The following DNAH10 variants were observed in gnomAD, a reference collection of about 807,000 sequenced individuals.
The protein encoded by DNAH10 is dynein axonemal heavy chain 10, also known as axonemal beta dynein heavy chain 10.
Under a neutral mutation model 506.6 loss-of-function variants are expected in DNAH10, and 348 were observed. The observed-to-expected ratio is 0.69, with a 90% CI of 0.63 to 0.75. The LOEUF (loss-of-function observed/expected upper bound fraction) is 0.75. Ranked by LOEUF, DNAH10 falls within the 30% of genes least tolerant of loss-of-function variation. The pLI is 0.00. For synonymous variants in DNAH10, 2,059 were observed against 2,198.6 expected, an observed-to-expected ratio of 0.94 and a Z score of 1.78; for missense variants, 5,179 against 5,787.1, an observed-to-expected ratio of 0.89 and a Z score of 3.41.
chr12:123,844,873 AAGCAATCTGCCCC>A, intron 30 of DNAH10, among the ~76,000 whole-genome samples: 1 of 152,176 alleles, frequency 6.6e-6, no homozygotes, highest in East Asian at 1.9e-4. Flanking sequence ...TCCTGAGCTC[AAGCAATCTGCCCC>A]AGCTTGGCCT....
chr12:123,896,076 G>A (rs894020611), intron 54 of DNAH10, among the ~76,000 whole-genome samples: 8 of 145,508 alleles, frequency 5.5e-5, no homozygotes, highest in Admixed American at 7.0e-5. Context: ...TTGTGCCACT[G>A]CTCTCCATCC....
chr12:123,814,670 A>G (rs1393672597), intron 21 of DNAH10, among the ~76,000 whole-genome samples: 2 of 137,168 alleles, frequency 1.5e-5, no homozygotes, highest in African/African-American at 2.8e-5. Flanking sequence ...GCTGGAGTGC[A>G]GTGGCATGAT....
Position 123,919,567 on chromosome 12 carries a change from C to A in DNAH10, c.11506+618C>A, listed in dbSNP as rs1447548854. ...CTATCACTACTCTCTGGCTCCGGAA[C>A]GTTTCCACCAGCCCCGAAATGAAAT... On this transcript the variant is annotated intron_variant, in intron 65 of 78. Transcript: ENST00000673944. The surrounding 1 kb of genome is among the most constrained non-coding windows in gnomAD (Gnocchi z 4.9). Among the ~76,000 whole-genome samples the A allele has an allele frequency of 6.6e-6, 1 of 152,184 alleles. No homozygotes were observed. Among genetic ancestry groups the A allele is most frequent in the Admixed American group, 6.5e-5 (1 of 15,278 alleles).
At position 123,917,518 on chromosome 12, in the gene DNAH10, C is replaced by T; in HGVS notation, c.11003-66C>T. 1.4e-6 allele frequency: 2 copies of T among 1,476,360 alleles called. No individual in the cohort carries two copies. The highest frequency in any genetic ancestry group is 1.8e-6 in the Non-Finnish European group (2 of 1,087,302). 91.5% of individuals were successfully genotyped at this position (1,476,360 alleles called of 1,614,324 possible). A position where few individuals can be genotyped will look rare whatever the true frequency, so the allele number is the denominator to read the frequency against. On this transcript the variant is annotated intron_variant, in intron 63 of 78. Transcript: ENST00000673944. This position sits in a 1 kb window ranked among gnomAD's most constrained non-coding sequence, Gnocchi z 5.6. ...CCGCGCTAAGCTTGTCCCGTCACAGCAGGGCAGCGGGAGAGACTGTTGTTG... is the reference window on the plus strand; with the variant it reads ...CCGCGCTAAGCTTGTCCCGTCACAGTAGGGCAGCGGGAGAGACTGTTGTTG...
At position 123,830,543 on chromosome 12, in the gene DNAH10, C is replaced by G. The variant is rs371307774; in HGVS notation, c.4392-3C>G. ...AAAGATTTGAATGCTGATGTGCTTT[C>G]AGGCATTGGAAAGAACTTATGGAAA... On this transcript the variant is annotated splice_polypyrimidine_tract_variant and splice_region_variant and intron_variant, in intron 25 of 78. Coordinates refer to ENST00000673944, the MANE Select transcript of DNAH10 (RefSeq NM_001372106.1). The G allele has an allele frequency of 6.2e-7, 1 of 1,612,156 alleles. No homozygotes were observed. Among genetic ancestry groups the G allele is most frequent in the Non-Finnish European group, 8.5e-7 (1 of 1,179,084 alleles).
Position 123,934,781 on chromosome 12 carries a change from C to T in DNAH10, c.13623+15C>T, listed in dbSNP as rs200736712. On this transcript the variant is annotated intron_variant, in intron 78 of 78. Transcript: ENST00000673944. ...TCAAGCTGCAGGTGAAGGTCCCAGC[C>T]CCTCCTCTCTGACACCAGGGCCCTT... is the stretch of plus-strand genomic sequence containing the variant. 112 of 1,612,858 alleles carry T rather than the reference C, an allele frequency of 6.9e-5. No individual in the cohort carries two copies. Among genetic ancestry groups the T allele is most frequent in the Admixed American group, 1.7e-4 (10 of 59,980 alleles).
chr12:123,929,813 G>A, intron 72 of DNAH10, 54 bp downstream of exon 72: 1 of 1,516,688 alleles, frequency 6.6e-7, no homozygotes, highest in South Asian at 1.2e-5. Flanking sequence ...CAGAGCTGTG[G>A]CCTCGTGCCC....
chr12:123,793,851 A>G, intron 11 of DNAH10, 91 bp from the exon 12 acceptor site: 1 of 1,050,132 alleles, frequency 9.5e-7, no homozygotes, highest in Non-Finnish European at 1.2e-6. Context: ...TCTGTCCCAA[A>G]CCACTGATTT....
intron 57 of DNAH10, chr12:123,908,204 C>T (rs1454095157): frequency 5.1e-6 from 2 of 389,110 alleles, no homozygotes; most frequent in Non-Finnish European, 5.1e-6. Context: ...CTCTCTGTCC[C>T]CTCCCTGTCT....
In DNAH10 at chr12:123,833,123, G is replaced by A; in HGVS notation, c.4555G>A (p.Glu1519Lys). The A allele has an allele frequency of 6.2e-7, 1 of 1,609,294 alleles. No individual in the cohort carries two copies. The highest frequency in any genetic ancestry group is 8.5e-7 in the Non-Finnish European group (1 of 1,177,600). Residue 1519 changes from glutamate to lysine, a missense_variant, in exon 27 of 79, where the codon GAA (glutamate) becomes AAA (lysine). Coordinates refer to ENST00000673944, the MANE Select transcript of DNAH10 (RefSeq NM_001372106.1). ...KEVAIEKAVK[E>K]ILDTWENMKF... Reference sequence around the variant, plus strand: ...TTCTATTCCTGAACAGGCTGTGAAGGAAATCCTAGACACGTGGGAAAATAT... The same window carrying A: ...TTCTATTCCTGAACAGGCTGTGAAGAAAATCCTAGACACGTGGGAAAATAT...
intron 13 of DNAH10, among the ~76,000 whole-genome samples, chr12:123,798,643 T>A (rs1408075166): frequency 1.3e-5 from 2 of 151,660 alleles, no homozygotes; most frequent in African/African-American, 4.8e-5. Context: ...TGGGAAAATC[T>A]ATTGACTTCC....
At chr12:123,882,136 C>A in intron 51 of DNAH10, 1 of 216,152 alleles carries the variant, frequency 4.6e-6, no homozygotes, top group Non-Finnish European at 9.0e-6. Context: ...GTTGAAAAAT[C>A]CTAAGTGGAA....
chr12:123,858,314 A>C (rs964817153), intron 37 of DNAH10, among the ~76,000 whole-genome samples: 1 of 152,166 alleles, frequency 6.6e-6, no homozygotes, highest in African/African-American at 2.4e-5. Flanking sequence ...CAGAGCCTCC[A>C]GACCTGGGGG....
chr12:123,858,911 G>A (rs1361220513), intron 37 of DNAH10, among the ~76,000 whole-genome samples: 2 of 152,194 alleles, frequency 1.3e-5, no homozygotes, highest in Non-Finnish European at 2.9e-5. Context: ...ATGAGTGGTT[G>A]CCAGGGGCTG....
At position 123,928,865 on chromosome 12, in the gene DNAH10, C is replaced by G. The variant is rs550389543; in HGVS notation, c.12306+278C>G. Reference sequence around the variant, plus strand: ...TTTCATAAACTTCACGGCCCCCCCCCCCACACACAGCCTGCAGTTCGCTAG... The same window carrying G: ...TTTCATAAACTTCACGGCCCCCCCCGCCACACACAGCCTGCAGTTCGCTAG... On this transcript the variant is annotated intron_variant, in intron 70 of 78. Transcript: ENST00000673944. The surrounding 1 kb of genome is among the most constrained non-coding windows in gnomAD (Gnocchi z 4.9). 72 of 464,902 alleles carry G rather than the reference C, an allele frequency of 1.5e-4. 1 individual carries two copies. The Middle Eastern group carries it at 1.7e-3, about 11-fold the overall frequency. 28.8% of individuals were successfully genotyped at this position (464,902 alleles called of 1,614,324 possible). A position where few individuals can be genotyped will look rare whatever the true frequency, so the allele number is the denominator to read the frequency against.
intron 1 of DNAH10, among the ~76,000 whole-genome samples, chr12:123,765,589 T>TATCTATC (rs1555302064): frequency 2.0e-5 from 3 of 150,848 alleles, no homozygotes; most frequent in Non-Finnish European, 4.4e-5. Context: ...TCTATCTATC[T>TATCTATC]ATCTATCTAT....
intron 70 of DNAH10, 95 bp from the exon 71 acceptor site, chr12:123,929,180 G>C (rs1955085598): frequency 7.7e-7 from 1 of 1,299,672 alleles, no homozygotes; most frequent in African/African-American, 1.5e-5. Flanking sequence ...TGGCTCCGTA[G>C]AGAGGAAGGA....
intron 18 of DNAH10, among the ~76,000 whole-genome samples, 197 bp from the exon 19 acceptor site, chr12:123,808,600 A>G (rs1363512644): frequency 6.6e-6 from 1 of 152,206 alleles, no homozygotes; most frequent in African/African-American, 2.4e-5. Context: ...CCAAAAGTGG[A>G]AATGAACTGT....
intron 76 of DNAH10, among the ~76,000 whole-genome samples, chr12:123,932,425 TCTC>T (rs767512607): frequency 4.3e-4 from 66 of 152,270 alleles, no homozygotes; most frequent in Admixed American, 3.4e-3. Flanking sequence ...TCATATCCTT[TCTC>T]CTCCTTCTGT....
Sources: gnomAD v4.1 joint callset for allele counts (sites outside exome capture counted in the v4.1 genomes callset) on GRCh38, gnomAD v4.1.1 for gene constraint, Gnocchi (gnomAD v3.1) non-coding constraint, MANE v1.5 for transcripts, NCBI Gene and HGNC (gene_info 2026-07-23, HGNC 2026-07-21) for gene names.